The following SCAMP3 variants were observed in gnomAD, a reference collection of about 807,000 sequenced individuals.
The protein encoded by SCAMP3 is secretory carrier-associated membrane protein 3.
SCAMP3 carries 30 observed loss-of-function variants against 44.1 expected under a neutral mutation model. That is an observed-to-expected ratio of 0.68 (90% CI 0.51 to 0.92). The LOEUF is 0.92. Among genes scored for constraint, SCAMP3 ranks in the 40% least tolerant of loss-of-function variants. SCAMP3 has a pLI of 0.00. For missense variants in SCAMP3, 394 were observed against 440.0 expected (o/e 0.90, Z 0.93); for synonymous variants, 168 against 171.1 (o/e 0.98, Z 0.14).
chr1:155,262,270 C>A lies in SCAMP3; in HGVS notation c.-119G>T, dbSNP rs952647824. ...TCAGTTCGCCCCGCTTCTCTGTGCA[C>A]GGATTGGTTCCACCGACCGGAAGGG... On this transcript the variant is annotated 5_prime_UTR_variant, in exon 1 of 9. Coordinates refer to ENST00000302631, the MANE Select transcript of SCAMP3 (RefSeq NM_005698.4). The A allele has an allele frequency of 4.4e-6, 4 of 910,346 alleles. No individual in the cohort carries two copies. In the African/African-American group the frequency reaches 5.0e-5, roughly 11 times the overall value. 56.4% of individuals were successfully genotyped at this position (910,346 alleles called of 1,614,324 possible). A position where few individuals can be genotyped will look rare whatever the true frequency, so the allele number is the denominator to read the frequency against.
At position 155,260,324 on chromosome 1, in the gene SCAMP3, A is replaced by C. The variant is rs1672925988; in HGVS notation, c.388+6T>G. The C allele has an allele frequency of 1.2e-6, 2 of 1,609,930 alleles. No homozygotes were observed. Among genetic ancestry groups the C allele is most frequent in the South Asian group, 1.1e-5 (1 of 91,072 alleles). On this transcript the variant is annotated splice_donor_region_variant and intron_variant, in intron 4 of 8. Transcript: ENST00000302631. Reference sequence around the variant, plus strand: ...CTCAGATGCTCTTCCCCACTCTATTACTTACTAGCTGTGCCCCCCAGGGCA... The same window carrying C: ...CTCAGATGCTCTTCCCCACTCTATTCCTTACTAGCTGTGCCCCCCAGGGCA...
intron 7 of SCAMP3, 108 bp from the exon 8 acceptor site, chr1:155,256,899 C>G (rs1020761048): frequency 5.1e-6 from 4 of 780,712 alleles, no homozygotes; most frequent in Admixed American, 2.1e-5. Context: ...GGCTCCCTGT[C>G]AATCGAGCAG....
rs973007464 is a variant in SCAMP3, at chr1:155,262,248, G to C, written c.-97C>G. On this transcript the variant is annotated 5_prime_UTR_variant, in exon 1 of 9. Coordinates refer to ENST00000302631, the MANE Select transcript of SCAMP3 (RefSeq NM_005698.4). ...CTCAGAGTCCACTTCACTCGCCTCA[G>C]TTCGCCCCGCTTCTCTGTGCACGGA... 9.0e-7 allele frequency: 1 copy of C among 1,106,940 alleles called. No homozygotes were observed. Among genetic ancestry groups the C allele is most frequent in the Non-Finnish European group, 1.3e-6 (1 of 762,536 alleles). The allele number at this position is 1,106,940 out of a possible 1,614,324, so 68.6% of individuals were successfully genotyped here.
Position 155,261,703 on chromosome 1 carries a change from C to A in SCAMP3, c.98G>T (p.Arg33Leu). ...DPAVIQHRPS[R>L]QYATLDVYNP... ...GTAGACGTCAAGCGTGGCATACTGC[C>A]GGCTGGGTCGGTGCTGGATCACAGC... The change falls in exon 2 of 9, where the codon CGG (arginine) becomes CTG (leucine). Residue 33 changes from arginine (R) to leucine (L), a missense_variant. Transcript: ENST00000302631. 1 of 1,614,062 alleles carries A rather than the reference C, an allele frequency of 6.2e-7. No individual in the cohort carries two copies.
chr1:155,259,943 G>T lies in SCAMP3; in HGVS notation c.388+387C>A, dbSNP rs571089798. ...TCAAACTCAGCAGTCTGACTCCAGA[G>T]CCCAGGTTTGTGTTTTTTTTTTTTT... On this transcript the variant is annotated intron_variant, in intron 4 of 8. Transcript: ENST00000302631. Among the ~76,000 whole-genome samples the T allele has an allele frequency of 2.6e-5, 4 of 151,374 alleles. No homozygotes were observed. In the South Asian group the frequency reaches 8.4e-4, roughly 32 times the overall value.
intron 7 of SCAMP3, 33 bp from the exon 8 acceptor site, chr1:155,256,824 G>A (rs1292202080): frequency 2.2e-5 from 34 of 1,538,034 alleles, no homozygotes; most frequent in Non-Finnish European, 3.0e-5. Flanking sequence ...GTGAAGAGGG[G>A]CTCCTCAGCT....
At position 155,262,085 on chromosome 1, in the gene SCAMP3, C is replaced by T. The variant is rs375038567; in HGVS notation, c.66+1G>A. On this transcript the variant is annotated splice_donor_variant, in intron 1 of 8. Coordinates refer to ENST00000302631, the MANE Select transcript of SCAMP3 (RefSeq NM_005698.4). LOFTEE classifies it high-confidence loss of function. Reference sequence around the variant, plus strand: ...AAAAGAGGCCGACTGGCGCAAGTCACCTGAAAGGGGTTGTCAAGCTCGCTG... The same window carrying T: ...AAAAGAGGCCGACTGGCGCAAGTCATCTGAAAGGGGTTGTCAAGCTCGCTG... 1 of 1,613,976 alleles carries T rather than the reference C, an allele frequency of 6.2e-7. No individual in the cohort carries two copies. The highest frequency in any genetic ancestry group is 8.5e-7 in the Non-Finnish European group (1 of 1,179,944).
At chr1:155,262,044 A>G (rs910555863) in intron 1 of SCAMP3, 42 bp downstream of exon 1, 1 of 1,595,178 alleles carries the variant, frequency 6.3e-7, no homozygotes, top group Non-Finnish European at 8.6e-7. Context: ...ACCGGGAAGA[A>G]TCAACCTGAC....
rs74118424 is a variant in SCAMP3, at chr1:155,256,545, C to T, written c.898-126G>A. ...ACACACTCACACACAGAAACACACACCCCAGAGGTCCATTAGCTGAGAACA... is the reference window on the plus strand; with the variant it reads ...ACACACTCACACACAGAAACACACATCCCAGAGGTCCATTAGCTGAGAACA... On this transcript the variant is annotated intron_variant, in intron 8 of 8. Coordinates refer to ENST00000302631, the MANE Select transcript of SCAMP3 (RefSeq NM_005698.4). The T allele has an allele frequency of 1.3e-3, 1,706 of 1,361,666 alleles. 18 individuals are homozygous for T. In the African/African-American group the frequency reaches 0.022, roughly 18 times the overall value. The allele number at this position is 1,361,666 out of a possible 1,614,324, so 84.3% of individuals were successfully genotyped here. A position where few individuals can be genotyped will look rare whatever the true frequency, so the allele number is the denominator to read the frequency against.
Position 155,257,540 on chromosome 1 carries a change from C to T in SCAMP3, c.635G>A (p.Cys212Tyr). Residue 212 changes from cysteine to tyrosine, a missense_variant, in exon 6 of 9, where the codon TGC becomes TAC. By Grantham distance (194) the Cys-to-Tyr change is radical. Transcript: ENST00000302631. ...SILWVLLFTP[C>Y]SFVCWYRPMY... ...GGGGCGGTACCAGCAGACAAAGGAG[C>T]AGGGAGTGAAAAGGAGGACCCAGAG... is the stretch of plus-strand genomic sequence containing the variant. 7 of 1,612,002 alleles carry T rather than the reference C, an allele frequency of 4.3e-6. No homozygotes were observed. Among genetic ancestry groups the T allele is most frequent in the Non-Finnish European group, 5.9e-6 (7 of 1,178,930 alleles).
At chr1:155,258,367 G>C (rs1233916575) in intron 5 of SCAMP3, among the ~76,000 whole-genome samples, 1 of 92,892 alleles carries the variant, frequency 1.1e-5, no homozygotes, top group Non-Finnish European at 2.2e-5. Context: ...ATGGAGTTTT[G>C]CTCTTGTTGC....
chr1:155,258,296 G>T (rs1672859710), intron 5 of SCAMP3, among the ~76,000 whole-genome samples: 1 of 146,934 alleles, frequency 6.8e-6, no homozygotes, highest in African/African-American at 2.5e-5. Context: ...TGGGATTACA[G>T]GTGTGAGCCA....
intron 1 of SCAMP3, 37 bp downstream of exon 1, chr1:155,262,049 C>T (rs1018498141): frequency 3.7e-6 from 6 of 1,602,808 alleles, no homozygotes; most frequent in South Asian, 3.3e-5. Flanking sequence ...GAAGAATCAA[C>T]CTGACCGCCC....
At chr1:155,259,014 C>T in intron 4 of SCAMP3, 60 bp from the exon 5 acceptor site, 1 of 1,367,160 alleles carries the variant, frequency 7.3e-7, no homozygotes, top group Non-Finnish European at 1.0e-6. Flanking sequence ...ACAAAGGAAT[C>T]ACTCCCCCTT....
chr1:155,256,278 G>A lies in SCAMP3; in HGVS notation c.1039C>T (p.Pro347Ser). The change falls in exon 9 of 9, where the codon CCG becomes TCG. Residue 347 changes from proline to serine, a missense_variant. Physicochemically the swap from Pro to Ser is moderately conservative, Grantham distance 74. Coordinates refer to ENST00000302631, the MANE Select transcript of SCAMP3 (RefSeq NM_005698.4). ...AGAAENAFRA[P>S] ...CAGGGCATCCCAGTCAGGGGTCACG[G>A]GGCCCGGAAGGCATTTTCAGCAGCC... The A allele has an allele frequency of 6.4e-7, 1 of 1,570,690 alleles. No homozygotes were observed. Among genetic ancestry groups the A allele is most frequent in the Non-Finnish European group, 8.7e-7 (1 of 1,154,122 alleles).
rs1183526278 is a variant in SCAMP3 at position 155,256,394 on chromosome 1, C to T, written c.923G>A (p.Gly308Asp). The change falls in exon 9 of 9, where the codon GGT (glycine) becomes GAT (aspartate). Residue 308 changes from glycine (G) to aspartate (D), a missense_variant. Transcript: ENST00000302631. The part of the protein sequence containing the change: ...KRIHSLYRRT[G>D]ASFQKAQQEF... ...TTGCTGGGCCTTCTGAAAGCTGGCA[C>T]CTGTGCGGCGGTATAAGGAGTGGAT... is the stretch of plus-strand genomic sequence containing the variant. The T allele has an allele frequency of 1.2e-6, 2 of 1,604,030 alleles. No homozygotes were observed. Among genetic ancestry groups the T allele is most frequent in the South Asian group, 1.1e-5 (1 of 90,458 alleles).
In SCAMP3 at chr1:155,256,655, C is replaced by T. The variant is rs1294700517; in HGVS notation, c.897+19G>A. Reference sequence around the variant, plus strand: ...CCATGATCTCACCATCCCGGCCCCACCTTCGACACAGCCCTCACCCGTTTC... The same window carrying T: ...CCATGATCTCACCATCCCGGCCCCATCTTCGACACAGCCCTCACCCGTTTC... On this transcript the variant is annotated intron_variant, in intron 8 of 8. Coordinates refer to ENST00000302631, the MANE Select transcript of SCAMP3 (RefSeq NM_005698.4). 5 of 1,606,246 alleles carry T rather than the reference C, an allele frequency of 3.1e-6. No individual in the cohort carries two copies. The highest frequency in any genetic ancestry group is 2.7e-5 in the African/African-American group (2 of 74,798).
chr1:155,260,429 C>T lies in SCAMP3; in HGVS notation c.289G>A (p.Ala97Thr), dbSNP rs1158323626. ...TCCTCCTGTTTCTTCAGCAGCTCAG[C>T]TGTGGCTGCTGCAGCTGAGGCCTGC... ...STQASAAAAT[A>T]ELLKKQEELN... The change falls in exon 4 of 9, where the codon GCT (alanine) becomes ACT (threonine). Residue 97 changes from alanine to threonine, a missense_variant. Physicochemically the swap from Ala to Thr is moderately conservative, Grantham distance 58. Coordinates refer to ENST00000302631, the MANE Select transcript of SCAMP3 (RefSeq NM_005698.4). The T allele has an allele frequency of 2.5e-6, 4 of 1,614,150 alleles. No individual in the cohort carries two copies. The highest frequency in any genetic ancestry group is 3.4e-6 in the Non-Finnish European group (4 of 1,180,044).
In SCAMP3 at chr1:155,257,516, G is replaced by A; in HGVS notation, c.659C>T (p.Pro220Leu). Residue 220 changes from proline (P) to leucine (L), a missense_variant, in exon 6 of 9, where the codon CCC becomes CTC. Pro to Leu is a moderately conservative substitution (Grantham distance 98, BLOSUM62 -3). Transcript: ENST00000302631. Reference sequence around the variant, plus strand: ...CACTTACCGGAAAGCCTTATACATGGGGCGGTACCAGCAGACAAAGGAGCA... The same window carrying A: ...CACTTACCGGAAAGCCTTATACATGAGGCGGTACCAGCAGACAAAGGAGCA... Reference protein sequence around the residue: ...TPCSFVCWYRPMYKAFRSDSS... With the variant: ...TPCSFVCWYRLMYKAFRSDSS... The A allele has an allele frequency of 1.9e-6, 3 of 1,613,308 alleles. No individual in the cohort carries two copies. The highest frequency in any genetic ancestry group is 2.5e-6 in the Non-Finnish European group (3 of 1,179,664).
Sources: gnomAD v4.1 joint callset for allele counts (sites outside exome capture counted in the v4.1 genomes callset) on GRCh38, gnomAD v4.1.1 for gene constraint, MANE v1.5 for transcripts, NCBI Gene and HGNC (gene_info 2026-07-23, HGNC 2026-07-21) for gene names.